ANKS6: variants seen among roughly 807,000 people sequenced by gnomAD.
ANKS6 encodes ankyrin repeat and sterile alpha motif domain containing 6.
In ANKS6, 47 loss-of-function variants were observed where a neutral mutation model predicts 77.9. The ratio of observed to expected loss-of-function variants is 0.60; its 90% confidence interval spans 0.48 to 0.77. ANKS6 has a LOEUF of 0.77. ANKS6 is among the 30% of genes least tolerant of loss of function. The pLI, the probability that ANKS6 is intolerant of heterozygous loss-of-function variation, is 0.00. For synonymous variants in ANKS6, 488 were observed against 501.7 expected (o/e 0.97, Z 0.37); for missense variants, 1,150 against 1,159.1 (o/e 0.99, Z 0.11).
chr9:98,736,604 AAAATTTGTCTCTCGCGT>A lies in ANKS6; in HGVS notation c.2514_2530del (p.Arg839ThrfsTer12). The stretch of plus-strand genomic sequence containing the variant: ...GTGAAAGTTGTGAATGGTTTCCTGT[AAAATTTGTCTCTCGCGT>A]CCCTGTGGAGGAAATTGAAAACAGA... On this transcript the variant is annotated frameshift_variant and splice_region_variant, in exon 15 of 15. Coordinates refer to ENST00000353234, the MANE Select transcript of ANKS6 (RefSeq NM_173551.5). LOFTEE classifies it high-confidence loss of function. 6.2e-7 allele frequency: 1 copy of A among 1,612,464 alleles called. No individual in the cohort carries two copies.
Position 98,796,396 on chromosome 9 carries a change from C to T in ANKS6, c.96G>A (p.Gly32=), listed in dbSNP as rs1835179338. ...TETARRLLEP[G]AAEPAERGAE... Reference sequence around the variant, plus strand: ...CGCCGCGCTCGGCTGGCTCCGCCGCCCCCGGCTCCAGCAGCCGCCGCGCCG... The same window carrying T: ...CGCCGCGCTCGGCTGGCTCCGCCGCTCCCGGCTCCAGCAGCCGCCGCGCCG... Residue 32 remains glycine, a synonymous_variant, in exon 1 of 15, where the codon GGG becomes GGA. Transcript: ENST00000353234. 3.0e-6 allele frequency: 3 copies of T among 1,000,606 alleles called. No individual in the cohort carries two copies. Among genetic ancestry groups the T allele is most frequent in the African/African-American group, 3.5e-5 (2 of 57,104 alleles). The allele number at this position is 1,000,606 out of a possible 1,614,324, so 62.0% of individuals were successfully genotyped here. A position where few individuals can be genotyped will look rare whatever the true frequency, so the allele number is the denominator to read the frequency against.
At position 98,734,178 on chromosome 9, in the gene ANKS6, CT is replaced by C. The variant is rs1831362879; in HGVS notation, c.*2340del. 1 of 985,336 alleles carries C rather than the reference CT, an allele frequency of 1.0e-6. No homozygotes were observed. Among genetic ancestry groups the C allele is most frequent in the South Asian group, 4.7e-5 (1 of 21,284 alleles). 61.0% of individuals were successfully genotyped at this position (985,336 alleles called of 1,614,324 possible). On this transcript the variant is annotated 3_prime_UTR_variant, in exon 15 of 15. Transcript: ENST00000353234. ...GACCTCTTGTGAACCAGCACACAAA[CT>C]TCCTAGGATGAAAAGCCTTGGACAC...
intron 8 of ANKS6, among the ~76,000 whole-genome samples, chr9:98,777,157 C>T (rs564023396): frequency 6.6e-6 from 1 of 152,214 alleles, no homozygotes; most frequent in Non-Finnish European, 1.5e-5. Context: ...CAATCCCCTG[C>T]CTCCATGAGA....
At position 98,784,222 on chromosome 9, in the gene ANKS6, G is replaced by A; in HGVS notation, c.908-65C>T. 6.4e-6 allele frequency: 9 copies of A among 1,417,284 alleles called. 1 individual carries two copies. The Middle Eastern group carries it at 9.4e-4, about 147-fold the overall frequency. 87.8% of individuals were successfully genotyped at this position (1,417,284 alleles called of 1,614,324 possible). ...GGTACCATAGGCTGATTTCTCCTGT[G>A]GTTCATGTAACAAACACTTGCTGGC... On this transcript the variant is annotated intron_variant, in intron 3 of 14. Transcript: ENST00000353234.
intron 1 of ANKS6, among the ~76,000 whole-genome samples, chr9:98,794,276 A>G (rs1344223850): frequency 6.6e-6 from 1 of 152,190 alleles, no homozygotes; most frequent in Non-Finnish European, 1.5e-5. Context: ...AGCTGGGACG[A>G]TAAATAGATG....
chr9:98,736,151 G>GT lies in ANKS6; in HGVS notation c.*367dup. 8.7e-7 allele frequency: 1 copy of GT among 1,152,188 alleles called. No homozygotes were observed. The highest frequency in any genetic ancestry group is 1.1e-6 in the Non-Finnish European group (1 of 935,346). The allele number at this position is 1,152,188 out of a possible 1,614,324, so 71.4% of individuals were successfully genotyped here. ...TGTGTGTCAGTTAAGAGCAAGGCAG[G>GT]TAAGAAGCAGCCGTGCCTTCTCCAT... On this transcript the variant is annotated 3_prime_UTR_variant, in exon 15 of 15. Transcript: ENST00000353234.
chr9:98,760,112 CAATGAAAAAA>C (rs1342555520), intron 11 of ANKS6, among the ~76,000 whole-genome samples: 2 of 151,774 alleles, frequency 1.3e-5, no homozygotes, highest in Admixed American at 1.3e-4. Flanking sequence ...TATTATGTGT[CAATGAAAAAA>C]AATAAAAATT....
Position 98,790,134 on chromosome 9 carries a change from C to T in ANKS6, c.832G>A (p.Asp278Asn). The change falls in exon 2 of 15, where the codon GAC becomes AAC. Residue 278 changes from aspartate to asparagine, a missense_variant. Physicochemically the swap from Asp to Asn is conservative, Grantham distance 23. Transcript: ENST00000353234. ...CKHRDLVDYL[D>N]PLTTVRPKTD... Reference sequence around the variant, plus strand: ...TTGGGCCTGACGGTGGTCAGCGGGTCCAGGTAGTCTACAAGGTCCCTGTGC... The same window carrying T: ...TTGGGCCTGACGGTGGTCAGCGGGTTCAGGTAGTCTACAAGGTCCCTGTGC... 2 of 1,578,146 alleles carry T rather than the reference C, an allele frequency of 1.3e-6. No homozygotes were observed. Among genetic ancestry groups the T allele is most frequent in the African/African-American group, 2.7e-5 (2 of 74,530 alleles).
In ANKS6 at chr9:98,783,993, C is replaced by T. The variant is rs753082485; in HGVS notation, c.1072G>A (p.Val358Met). 9.9e-6 allele frequency: 16 copies of T among 1,608,444 alleles called. No individual in the cohort carries two copies. Among genetic ancestry groups the T allele is most frequent in the East Asian group, 4.5e-5 (2 of 44,722 alleles). ...TGCATGAGGGCCGTCCAGCCATGCA[C>T]GCTGTCCTGCTTGTCAACATCCGCG... is the stretch of plus-strand genomic sequence containing the variant. ...RHADVDKQDSVHGWTALMQAT... is the reference protein window; with the variant it reads ...RHADVDKQDSMHGWTALMQAT... The change falls in exon 4 of 15, where the codon GTG (valine) becomes ATG (methionine). Residue 358 changes from valine (V) to methionine (M), a missense_variant. Val to Met is a conservative substitution (Grantham distance 21, BLOSUM62 1). Coordinates refer to ENST00000353234, the MANE Select transcript of ANKS6 (RefSeq NM_173551.5).
intron 2 of ANKS6, among the ~76,000 whole-genome samples, chr9:98,785,752 G>T (rs571755348): frequency 6.6e-6 from 1 of 152,164 alleles, no homozygotes; most frequent in Non-Finnish European, 1.5e-5. Context: ...GACTCTGGTC[G>T]AAATGAGCCC....
At chr9:98,748,703 A>G (rs1832275028) in intron 13 of ANKS6, among the ~76,000 whole-genome samples, 1 of 152,192 alleles carries the variant, frequency 6.6e-6, no homozygotes, top group Admixed American at 6.5e-5. Flanking sequence ...AGCTAGAAGG[A>G]GCCTAGATGA....
At chr9:98,751,521 A>G (rs1488223985) in intron 12 of ANKS6, among the ~76,000 whole-genome samples, 1 of 152,208 alleles carries the variant, frequency 6.6e-6, no homozygotes, top group Non-Finnish European at 1.5e-5. Flanking sequence ...AGAACTTAAG[A>G]AAGAAGATGG....
chr9:98,742,649 G>A (rs1305049799), intron 14 of ANKS6, among the ~76,000 whole-genome samples: 2 of 152,136 alleles, frequency 1.3e-5, no homozygotes, highest in Admixed American at 1.3e-4. Context: ...TTTGCAGGGT[G>A]GATGCTGCCT....
At position 98,734,946 on chromosome 9, in the gene ANKS6, G is replaced by A; in HGVS notation, c.*1573C>T. ...TAAAGGAAAAACACCCAACCATCAG[G>A]GCAGGGGAAGAAAACTACGAGGCTC... is the stretch of plus-strand genomic sequence containing the variant. On this transcript the variant is annotated 3_prime_UTR_variant, in exon 15 of 15. Transcript: ENST00000353234. 1 of 985,436 alleles carries A rather than the reference G, an allele frequency of 1.0e-6. No homozygotes were observed. Among genetic ancestry groups the A allele is most frequent in the Non-Finnish European group, 1.2e-6 (1 of 829,950 alleles). 61.0% of individuals were successfully genotyped at this position (985,436 alleles called of 1,614,324 possible). A position where few individuals can be genotyped will look rare whatever the true frequency, so the allele number is the denominator to read the frequency against.
intron 1 of ANKS6, among the ~76,000 whole-genome samples, chr9:98,792,819 C>A (rs566074744): frequency 8.5e-5 from 13 of 152,198 alleles, no homozygotes; most frequent in Non-Finnish European, 1.5e-4. Context: ...AATCGAAGCT[C>A]CAGTATAACC....
rs559480065 is a variant in ANKS6 at position 98,732,849 on chromosome 9, C to A, written c.*3670G>T. 8.2e-7 allele frequency: 1 copy of A among 1,212,936 alleles called. No individual in the cohort carries two copies. Among genetic ancestry groups the A allele is most frequent in the South Asian group, 2.2e-5 (1 of 46,182 alleles). 75.1% of individuals were successfully genotyped at this position (1,212,936 alleles called of 1,614,324 possible). ...AAAGGACTAAAAACAGAAAAACAGG[C>A]ACCCAACTGACCCTTCCTCCCTGAC... On this transcript the variant is annotated 3_prime_UTR_variant, in exon 15 of 15. Coordinates refer to ENST00000353234, the MANE Select transcript of ANKS6 (RefSeq NM_173551.5).
chr9:98,760,937 G>A (rs963937311), intron 11 of ANKS6, among the ~76,000 whole-genome samples: 1 of 152,162 alleles, frequency 6.6e-6, no homozygotes, highest in African/African-American at 2.4e-5. Flanking sequence ...TATCATAAGT[G>A]AATGTTTAGT....
rs1834831259 is a variant in ANKS6 at position 98,790,326 on chromosome 9, C to T, written c.640G>A (p.Gly214Ser). ...CGGGCTGCGTGGTTGGGGTCCGCGC[C>T]CCACTCCATCAGTAGACGCACCACG... is the stretch of plus-strand genomic sequence containing the variant. The part of the protein sequence containing the change: ...EAVVRLLMEW[G>S]ADPNHAARTV... The change falls in exon 2 of 15, where the codon GGC (glycine) becomes AGC (serine). Residue 214 changes from glycine to serine, a missense_variant. By Grantham distance (56) the Gly-to-Ser change is moderately conservative. Coordinates refer to ENST00000353234, the MANE Select transcript of ANKS6 (RefSeq NM_173551.5). 1.2e-6 allele frequency: 2 copies of T among 1,610,118 alleles called. No homozygotes were observed. The highest frequency in any genetic ancestry group is 1.3e-5 in the African/African-American group (1 of 74,898).
At chr9:98,762,768 G>C (rs1833085438) in intron 11 of ANKS6, among the ~76,000 whole-genome samples, 1 of 151,884 alleles carries the variant, frequency 6.6e-6, no homozygotes, top group Non-Finnish European at 1.5e-5. Flanking sequence ...TTTAATCATG[G>C]GATTAGATTT....
Sources: gnomAD v4.1 joint callset for allele counts (sites outside exome capture counted in the v4.1 genomes callset) on GRCh38, gnomAD v4.1.1 for gene constraint, MANE v1.5 for transcripts, NCBI Gene and HGNC (gene_info 2026-07-23, HGNC 2026-07-21) for gene names.